PTPRS: variants seen among roughly 807,000 people sequenced by gnomAD.
The protein encoded by PTPRS is receptor-type tyrosine-protein phosphatase S.
PTPRS carries 63 observed loss-of-function variants against 215.3 expected under a neutral mutation model. The observed-to-expected ratio is 0.29, with a 90% CI of 0.24 to 0.36. The LOEUF (loss-of-function observed/expected upper bound fraction) is 0.36, where lower values mean the gene tolerates loss of function less well. PTPRS is among the 10% of genes least tolerant of loss of function. The pLI is 1.00. For synonymous variants in PTPRS, 1,404 were observed against 1,191.4 expected (o/e 1.18, Z -3.68); for missense variants, 2,258 against 2,825.8 (o/e 0.80, Z 4.56).
At chr19:5,304,395 G>A (rs896796886) in intron 1 of PTPRS, among the ~76,000 whole-genome samples, 4 of 151,884 alleles carry the variant, frequency 2.6e-5, no homozygotes, top group African/African-American at 4.8e-5. Context: ...CAGGAGGATC[G>A]CTTGAATCCA....
rs896444035 is a variant in PTPRS, at chr19:5,262,990, G to C, written c.569-18C>G. 2 of 1,416,336 alleles carry C rather than the reference G, an allele frequency of 1.4e-6. No homozygotes were observed. The highest frequency in any genetic ancestry group is 1.9e-6 in the Non-Finnish European group (2 of 1,057,026). The allele number at this position is 1,416,336 out of a possible 1,614,324, so 87.7% of individuals were successfully genotyped here. A position where few individuals can be genotyped will look rare whatever the true frequency, so the allele number is the denominator to read the frequency against. ...AAAGGTTTCTGAACGTTTACAACAG[G>C]AGGATAAGAAAAGAGAACAGGAACG... On this transcript the variant is annotated intron_variant, in intron 5 of 37. Transcript: ENST00000262963.
chr19:5,280,416 G>A (rs922639729), intron 2 of PTPRS, among the ~76,000 whole-genome samples: 1 of 152,150 alleles, frequency 6.6e-6, no homozygotes. Context: ...TTGAGCATCT[G>A]TCCCAAAAGT....
intron 1 of PTPRS, among the ~76,000 whole-genome samples, chr19:5,305,298 C>A (rs972265456): frequency 6.6e-6 from 1 of 152,134 alleles, no homozygotes; most frequent in Non-Finnish European, 1.5e-5. Flanking sequence ...GTGATCCCTG[C>A]ACTTTGGGAG....
At chr19:5,275,224 C>T (rs1381358151) in intron 2 of PTPRS, among the ~76,000 whole-genome samples, 1 of 150,918 alleles carries the variant, frequency 6.6e-6, no homozygotes, top group Non-Finnish European at 1.5e-5. Context: ...GTGCCCACCA[C>T]CATGCCCGGC....
At chr19:5,234,081 G>A (rs1039030100) in intron 13 of PTPRS, among the ~76,000 whole-genome samples, 11 of 146,820 alleles carry the variant, frequency 7.5e-5, no homozygotes, top group Non-Finnish European at 1.5e-4. Context: ...TACAATAACA[G>A]CAAATGCACT....
chr19:5,221,000 T>C lies in PTPRS; in HGVS notation c.3455A>G (p.Gln1152Arg), dbSNP rs772064790. Residue 1152 changes from glutamine (Q) to arginine (R), a missense_variant and splice_region_variant, in exon 20 of 38, where the codon CAG becomes CGG. Coordinates refer to ENST00000262963, the MANE Select transcript of PTPRS (RefSeq NM_002850.4). ...ACCCGGAGCATGGGGGTGAGCATAC[T>C]GGACAGGCACGGGGCTCTGGCCGTC... Reference protein sequence around the residue: ...LPDGQSPVPVQSYFIVMVPLR... With the variant: ...LPDGQSPVPVRSYFIVMVPLR... The C allele has an allele frequency of 4.4e-6, 7 of 1,605,498 alleles. No homozygotes were observed. The highest frequency in any genetic ancestry group is 1.7e-4 in the Middle Eastern group (1 of 6,024).
chr19:5,243,658 G>A (rs1013712856), intron 11 of PTPRS, among the ~76,000 whole-genome samples: 2 of 151,524 alleles, frequency 1.3e-5, no homozygotes, highest in African/African-American at 4.9e-5. Flanking sequence ...TTTTAGTAGA[G>A]ATGGGGTTTC....
At position 5,257,046 on chromosome 19, in the gene PTPRS, T is replaced by G. The variant is rs1415979338; in HGVS notation, c.707-927A>C. Among the ~76,000 whole-genome samples the G allele has an allele frequency of 6.6e-6, 1 of 151,218 alleles. No homozygotes were observed. The highest frequency in any genetic ancestry group is 2.4e-5 in the African/African-American group (1 of 41,072). On this transcript the variant is annotated intron_variant, in intron 8 of 37. Transcript: ENST00000262963. This position sits in a 1 kb window ranked among gnomAD's most constrained non-coding sequence, Gnocchi z 4.4. ...GCCCTGGCATCCTGGCAGAAGCTGT[T>G]TCTACCACAAATCTGATCAGAAACA...
At chr19:5,315,351 GTTTTTTTTT>G (rs952833168) in intron 1 of PTPRS, among the ~76,000 whole-genome samples, 2 of 79,802 alleles carry the variant, frequency 2.5e-5, no homozygotes, top group Non-Finnish European at 4.5e-5. Flanking sequence ...TTTGAAAAGG[GTTTTTTTTT>G]TTTTTTTTTT....
intron 35 of PTPRS, among the ~76,000 whole-genome samples, chr19:5,208,833 C>A (rs1568358492): frequency 6.6e-6 from 1 of 152,166 alleles, no homozygotes; most frequent in Non-Finnish European, 1.5e-5. Context: ...CCATCCTTTG[C>A]CATCCCATAG....
At chr19:5,254,109 T>A (rs2045367542) in intron 9 of PTPRS, among the ~76,000 whole-genome samples, 2 of 152,280 alleles carry the variant, frequency 1.3e-5, no homozygotes, top group Non-Finnish European at 2.9e-5. Context: ...AGACCCTCTG[T>A]TCACTCAGTT....
intron 37 of PTPRS, 39 bp from the exon 38 acceptor site, chr19:5,206,881 T>C (rs764824361): frequency 6.3e-7 from 1 of 1,582,962 alleles, no homozygotes; most frequent in Admixed American, 1.7e-5. Flanking sequence ...CCTCCGCTGC[T>C]CTAACGCCTC....
In PTPRS at chr19:5,237,476, C is replaced by T. The variant is rs1377621680; in HGVS notation, c.1849+1443G>A. ...CGTGTAGGTCACGTCCTTCACAATC[C>T]GGCCCAACCTGCATGACATCTCGGG... On this transcript the variant is annotated intron_variant, in intron 13 of 37. Coordinates refer to ENST00000262963, the MANE Select transcript of PTPRS (RefSeq NM_002850.4). This position sits in a 1 kb window ranked among gnomAD's most constrained non-coding sequence, Gnocchi z 4.2. Among the ~76,000 whole-genome samples the T allele has an allele frequency of 1.3e-5, 2 of 152,186 alleles. No individual in the cohort carries two copies. The highest frequency in any genetic ancestry group is 1.9e-4 in the East Asian group (1 of 5,190).
At position 5,293,072 on chromosome 19, in the gene PTPRS, C is replaced by A. The variant is rs1177636481; in HGVS notation, c.-94-6838G>T. The A allele has an allele frequency of 2.6e-5, 4 of 151,822 alleles. No individual in the cohort carries two copies. The highest frequency in any genetic ancestry group is 9.7e-5 in the African/African-American group (4 of 41,336). The allele number at this position is 151,822 out of a possible 1,614,324, so 9.4% of individuals were successfully genotyped here. On this transcript the variant is annotated intron_variant, in intron 1 of 37. Transcript: ENST00000262963. The surrounding 1 kb of genome is among the most constrained non-coding windows in gnomAD (Gnocchi z 8.4). ...CCCCAGCCTCGGAGCCTGGAGGGGGCGCGACAAGAGAGACAAAGCCCGGGG... is the reference window on the plus strand; with the variant it reads ...CCCCAGCCTCGGAGCCTGGAGGGGGAGCGACAAGAGAGACAAAGCCCGGGG...
Position 5,234,953 on chromosome 19 carries a change from T to C in PTPRS, c.1850-3338A>G, listed in dbSNP as rs930648658. On this transcript the variant is annotated intron_variant, in intron 13 of 37. Transcript: ENST00000262963. ...TTCATTTCTTTCTTTCTTTTTTTTTTTTTTTTTGAGACAGTCTTGCTCTGT... is the reference window on the plus strand; with the variant it reads ...TTCATTTCTTTCTTTCTTTTTTTTTCTTTTTTTGAGACAGTCTTGCTCTGT... 2.6e-4 allele frequency among the ~76,000 whole-genome samples: 40 copies of C among 151,402 alleles called. 1 individual carries two copies. Among genetic ancestry groups the C allele is most frequent in the African/African-American group, 9.7e-4 (40 of 41,280 alleles).
chr19:5,220,531 T>C (rs1221263695), intron 20 of PTPRS, among the ~76,000 whole-genome samples, 178 bp from the exon 21 acceptor site: 1 of 152,220 alleles, frequency 6.6e-6, no homozygotes, highest in African/African-American at 2.4e-5. Context: ...CTCCAGGCCT[T>C]GGATGATGCT....
At chr19:5,243,063 C>A (rs1389749251) in intron 11 of PTPRS, among the ~76,000 whole-genome samples, 1 of 152,036 alleles carries the variant, frequency 6.6e-6, no homozygotes, top group Non-Finnish European at 1.5e-5. Context: ...AAGCCATCCT[C>A]CTGCGTCTGC....
At chr19:5,242,283 G>A (rs1256974407) in intron 11 of PTPRS, among the ~76,000 whole-genome samples, 2 of 152,204 alleles carry the variant, frequency 1.3e-5, no homozygotes, top group African/African-American at 2.4e-5. Context: ...CTCCCACACA[G>A]CCACTGGGAT....
At chr19:5,219,281 A>G (rs1406993272) in intron 23 of PTPRS, 29 bp downstream of exon 23, 1 of 1,612,452 alleles carries the variant, frequency 6.2e-7, no homozygotes, top group African/African-American at 1.3e-5. Context: ...CCTGCTGTCA[A>G]GTCAAGTCGG....
Sources: gnomAD v4.1 joint callset for allele counts (sites outside exome capture counted in the v4.1 genomes callset) on GRCh38, gnomAD v4.1.1 for gene constraint, Gnocchi (gnomAD v3.1) non-coding constraint, MANE v1.5 for transcripts, NCBI Gene and HGNC (gene_info 2026-07-23, HGNC 2026-07-21) for gene names.